The following CTNNA1 variants were observed in gnomAD, a reference collection of about 807,000 sequenced individuals.
CTNNA1 encodes catenin alpha-1.
CTNNA1 carries 37 observed loss-of-function variants against 98.4 expected under a neutral mutation model. The ratio of observed to expected loss-of-function variants is 0.38; its 90% CI spans 0.29 to 0.49. The LOEUF is 0.49. Among genes scored for constraint, CTNNA1 ranks in the 20% least tolerant of loss-of-function variants. The pLI is 0.95. For missense variants in CTNNA1, 761 were observed against 1,147.2 expected (o/e 0.66, Z 4.86); for synonymous variants, 404 against 413.2 (o/e 0.98, Z 0.27).
intron 3 of CTNNA1, among the ~76,000 whole-genome samples, chr5:138,800,421 G>A (rs1221726663): frequency 6.6e-6 from 1 of 152,138 alleles, no homozygotes; most frequent in Non-Finnish European, 1.5e-5. Context: ...CTTTAAGAGA[G>A]ATGTGGCTTT....
intron 5 of CTNNA1, among the ~76,000 whole-genome samples, chr5:138,818,316 C>T (rs370372005): frequency 4.6e-5 from 7 of 150,642 alleles, no homozygotes; most frequent in South Asian, 2.1e-4. Flanking sequence ...GGTCTTGTTA[C>T]GTTGTCCAGG....
At chr5:138,931,194 G>A (rs1765227628) in intron 16 of CTNNA1, 10 of 438,238 alleles carry the variant, frequency 2.3e-5, no homozygotes, top group South Asian at 2.2e-4. Flanking sequence ...TCCCCCTCTG[G>A]GCAGGGGCCG....
At chr5:138,888,754 G>A (rs1454742367) in intron 9 of CTNNA1, among the ~76,000 whole-genome samples, 1 of 151,574 alleles carries the variant, frequency 6.6e-6, no homozygotes, top group Non-Finnish European at 1.5e-5. Context: ...GACGGGGCTG[G>A]TCTCAAAACT....
At chr5:138,857,405 G>T (rs1413586092) in intron 7 of CTNNA1, among the ~76,000 whole-genome samples, 1 of 152,006 alleles carries the variant, frequency 6.6e-6, no homozygotes, top group Non-Finnish European at 1.5e-5. Context: ...GGCCTTCTCT[G>T]TACCCAGCCA....
intron 10 of CTNNA1, among the ~76,000 whole-genome samples, chr5:138,909,635 AGGTCTCTTTTTTCTTTT>A (rs1760103227): frequency 6.6e-6 from 1 of 152,120 alleles, no homozygotes; most frequent in African/African-American, 2.4e-5. Context: ...CCACTGTCCC[AGGTCTCTTTTTTCTTTT>A]GGTATTTCTC....
intron 3 of CTNNA1, among the ~76,000 whole-genome samples, chr5:138,799,185 A>G (rs947399931): frequency 1.3e-5 from 2 of 151,956 alleles, no homozygotes; most frequent in East Asian, 3.9e-4. Flanking sequence ...TTTTAGACAG[A>G]GTTTCGCTCT....
chr5:138,880,508 C>T (rs1561640113), intron 7 of CTNNA1, among the ~76,000 whole-genome samples: 1 of 152,214 alleles, frequency 6.6e-6, no homozygotes, highest in Non-Finnish European at 1.5e-5. Flanking sequence ...CCTTTTAAAA[C>T]TCTTCTTCTG....
At chr5:138,933,263 C>A (rs1026129907) in intron 17 of CTNNA1, among the ~76,000 whole-genome samples, 14 of 152,184 alleles carry the variant, frequency 9.2e-5, no homozygotes, top group African/African-American at 3.4e-4. Context: ...GCGTCTCTTT[C>A]TTTTTACCAC....
intron 7 of CTNNA1, 22 bp from the exon 8 acceptor site, chr5:138,886,190 C>A: frequency 1.2e-6 from 2 of 1,604,286 alleles, no homozygotes; most frequent in South Asian, 1.1e-5. Context: ...ATAAAATGCT[C>A]ATCTCTTTTC....
rs546472215 is a variant in CTNNA1, at chr5:138,910,038, G to A, written c.1389+5597G>A. Among the ~76,000 whole-genome samples the A allele has an allele frequency of 7.1e-4, 108 of 152,178 alleles. 1 individual carries two copies. Among genetic ancestry groups the A allele is most frequent in the African/African-American group, 2.4e-3 (101 of 41,512 alleles). On this transcript the variant is annotated intron_variant, in intron 10 of 17. Transcript: ENST00000302763. The stretch of plus-strand genomic sequence containing the variant: ...GTTTCACAGAGAACTCAAGGGAGAT[G>A]CTTCTTACTAAAAGTTTCTCTGAGC...
chr5:138,812,051 C>T (rs1404208062), intron 4 of CTNNA1, 132 bp from the exon 5 acceptor site: 11 of 707,636 alleles, frequency 1.6e-5, no homozygotes, highest in Admixed American at 5.4e-5. Context: ...GAAGACCATG[C>T]GCAAACTCGA....
intron 1 of CTNNA1, 145 bp downstream of exon 1, chr5:138,753,655 A>G (rs1330722169): frequency 2.1e-5 from 7 of 330,530 alleles, no homozygotes; most frequent in Non-Finnish European, 3.8e-5. Flanking sequence ...GTCGCCGGGA[A>G]TTGGGCCCCG....
chr5:138,787,419 A>C (rs1050318769), intron 3 of CTNNA1, among the ~76,000 whole-genome samples: 4 of 144,850 alleles, frequency 2.8e-5, no homozygotes, highest in African/African-American at 1.0e-4. Flanking sequence ...CTCCGTCTCC[A>C]AAAAAAAAAA....
chr5:138,775,456 A>G (rs1406929221), intron 1 of CTNNA1, among the ~76,000 whole-genome samples: 4 of 152,222 alleles, frequency 2.6e-5, no homozygotes, highest in Non-Finnish European at 5.9e-5. Flanking sequence ...GGACACAGGC[A>G]TTCTGTGTTA....
intron 1 of CTNNA1, among the ~76,000 whole-genome samples, chr5:138,756,173 A>C (rs1170939598): frequency 6.6e-6 from 1 of 151,810 alleles, no homozygotes; most frequent in Non-Finnish European, 1.5e-5. Context: ...AGGAGCTGGG[A>C]TTACAGGTGT....
intron 9 of CTNNA1, among the ~76,000 whole-genome samples, chr5:138,892,259 C>A (rs577157351): frequency 6.8e-6 from 1 of 146,284 alleles, no homozygotes; most frequent in East Asian, 2.1e-4. Context: ...TTAACACATA[C>A]TTACATATTT....
intron 3 of CTNNA1, among the ~76,000 whole-genome samples, chr5:138,786,444 T>A (rs951294130): frequency 3.3e-5 from 5 of 152,190 alleles, no homozygotes; most frequent in Non-Finnish European, 7.3e-5. Context: ...TGAAACCCTG[T>A]AGTGGTGTTA....
At chr5:138,854,214 T>G (rs1030211616) in intron 7 of CTNNA1, among the ~76,000 whole-genome samples, 8 of 152,318 alleles carry the variant, frequency 5.3e-5, no homozygotes, top group Admixed American at 3.3e-4. Context: ...GATATACAAG[T>G]TTCTGAATGC....
rs1206829931 is a variant in CTNNA1 at position 138,935,027 on chromosome 5, C to T, written c.*938C>T. ...TTTCCCAATAAAGTCCACTATGAAA[C>T]CACGACATCCAAGAGCCCAAAGTCG... is the stretch of plus-strand genomic sequence containing the variant. On this transcript the variant is annotated 3_prime_UTR_variant, in exon 18 of 18. Transcript: ENST00000302763. 1 of 152,216 alleles carries T rather than the reference C, an allele frequency of 6.6e-6. No homozygotes were observed. Among genetic ancestry groups the T allele is most frequent in the African/African-American group, 2.4e-5 (1 of 41,458 alleles). The allele number at this position is 152,216 out of a possible 1,614,324, so 9.4% of individuals were successfully genotyped here.
Sources: allele counts gnomAD v4.1 joint callset (sites outside exome capture counted in the v4.1 genomes callset), GRCh38; gene constraint gnomAD v4.1.1; transcripts MANE v1.5; gene names NCBI Gene and HGNC (gene_info 2026-07-23, HGNC 2026-07-21).